Variants in VAC14 observed in about 807,000 individuals in gnomAD.
The protein encoded by VAC14 is VAC14 component of PIKFYVE complex.
In VAC14, 47 loss-of-function variants were observed where a neutral mutation model predicts 85.3. The observed-to-expected ratio is 0.55, with a 90% CI of 0.44 to 0.70. VAC14 has a LOEUF of 0.70. Among genes scored for constraint, VAC14 ranks in the 30% least tolerant of loss-of-function variants. The probability of loss-of-function intolerance (pLI) is 0.00; values close to 1 mark genes in which losing one functional copy is unlikely to be tolerated. For missense variants in VAC14, 861 were observed against 1,004.3 expected, an observed-to-expected ratio of 0.86 and a Z score of 1.93; for synonymous variants, 447 against 430.5, an observed-to-expected ratio of 1.04 and a Z score of -0.47.
At chr16:70,717,486 G>A (rs753555568) in intron 14 of VAC14, among the ~76,000 whole-genome samples, 2 of 152,058 alleles carry the variant, frequency 1.3e-5, no homozygotes, top group Admixed American at 6.5e-5. Flanking sequence ...GATATAGATC[G>A]GCACACTGAA....
At chr16:70,696,367 G>A (rs1290987602) in intron 16 of VAC14, among the ~76,000 whole-genome samples, 1 of 152,142 alleles carries the variant, frequency 6.6e-6, no homozygotes, top group African/African-American at 2.4e-5. Context: ...ACAAAAATTA[G>A]CCGGGCATGG....
intron 9 of VAC14, among the ~76,000 whole-genome samples, chr16:70,776,315 G>T (rs2033515489): frequency 6.6e-6 from 1 of 152,050 alleles, no homozygotes; most frequent in Admixed American, 6.6e-5. Flanking sequence ...TCACTTTGTT[G>T]CCCAGGCTGG....
intron 18 of VAC14, chr16:70,692,155 G>T: frequency 1.1e-6 from 1 of 936,110 alleles, no homozygotes; most frequent in Non-Finnish European, 1.3e-6. Flanking sequence ...TGGGGTAGGG[G>T]CCAGCCGTGG....
rs2033992594 is a variant in VAC14 at position 70,785,211 on chromosome 16, C to A, written c.424-373G>T. 2.0e-5 allele frequency among the ~76,000 whole-genome samples: 3 copies of A among 152,228 alleles called. No individual in the cohort carries two copies. The South Asian group carries it at 6.2e-4, about 31-fold the overall frequency. ...AGGAGGGGACAGGGTAGCTGCGAGG[C>A]TGATACTCTAGAAACTTCCGTGGCA... On this transcript the variant is annotated intron_variant, in intron 3 of 18. Transcript: ENST00000261776.
chr16:70,781,520 T>A (rs2143245355), intron 8 of VAC14, among the ~76,000 whole-genome samples: 1 of 152,248 alleles, frequency 6.6e-6, no homozygotes, highest in South Asian at 2.1e-4. Context: ...GGTGCCCCTG[T>A]GAAATGCGCC....
At chr16:70,738,399 C>T (rs1161497653) in intron 13 of VAC14, among the ~76,000 whole-genome samples, 1 of 152,216 alleles carries the variant, frequency 6.6e-6, no homozygotes, top group African/African-American at 2.4e-5. Flanking sequence ...GGAGACTTTG[C>T]AGCTGCTCAG....
intron 14 of VAC14, among the ~76,000 whole-genome samples, chr16:70,721,649 A>C (rs1036131701): frequency 2.0e-5 from 3 of 152,030 alleles, no homozygotes; most frequent in African/African-American, 4.8e-5. Context: ...TGTGGAGATC[A>C]GGAGACGTGG....
chr16:70,719,837 C>G (rs2054245683), intron 14 of VAC14, among the ~76,000 whole-genome samples: 1 of 152,168 alleles, frequency 6.6e-6, no homozygotes, highest in African/African-American at 2.4e-5. Flanking sequence ...GTCTGCTTGC[C>G]AATCCAGCAA....
chr16:70,726,100 C>G (rs569085545), intron 14 of VAC14, among the ~76,000 whole-genome samples: 1 of 152,390 alleles, frequency 6.6e-6, no homozygotes, highest in East Asian at 1.9e-4. Flanking sequence ...TCGGGTCACG[C>G]TGGAGTTCAT....
chr16:70,750,419 G>A (rs954054017), intron 12 of VAC14, among the ~76,000 whole-genome samples: 5 of 152,196 alleles, frequency 3.3e-5, no homozygotes, highest in African/African-American at 9.6e-5. Flanking sequence ...TGCAGGAGCA[G>A]GAGCGCCTGC....
At chr16:70,789,483 C>G (rs1332160051) in intron 1 of VAC14, among the ~76,000 whole-genome samples, 1 of 152,194 alleles carries the variant, frequency 6.6e-6, no homozygotes, top group Non-Finnish European at 1.5e-5. Flanking sequence ...AAGGGAGGTG[C>G]GCACACAGCT....
At chr16:70,736,424 C>T (rs949342359) in intron 13 of VAC14, among the ~76,000 whole-genome samples, 1 of 152,186 alleles carries the variant, frequency 6.6e-6, no homozygotes, top group African/African-American at 2.4e-5. Context: ...TCATTTCTGG[C>T]ACAAATTCAC....
At chr16:70,759,313 T>C (rs564212413) in intron 12 of VAC14, among the ~76,000 whole-genome samples, 1 of 152,278 alleles carries the variant, frequency 6.6e-6, no homozygotes, top group East Asian at 1.9e-4. Flanking sequence ...ATCTGGGGGC[T>C]GAAGGGGGAG....
chr16:70,690,599 A>G, intron 18 of VAC14: 1 of 985,480 alleles, frequency 1.0e-6, no homozygotes, highest in Non-Finnish European at 1.2e-6. Flanking sequence ...CACTTGGAGC[A>G]CACAGAACCA....
chr16:70,700,795 C>A (rs1040125451), intron 14 of VAC14, among the ~76,000 whole-genome samples: 3 of 152,192 alleles, frequency 2.0e-5, no homozygotes, highest in African/African-American at 7.2e-5. Context: ...GGAAGGGGGG[C>A]GTTCTGACAA....
chr16:70,735,849 T>C (rs2054733485), intron 13 of VAC14, among the ~76,000 whole-genome samples: 1 of 152,116 alleles, frequency 6.6e-6, no homozygotes. Context: ...TGGCAAAGAG[T>C]CTCTGCTCCC....
intron 9 of VAC14, 116 bp downstream of exon 9, chr16:70,780,674 A>T (rs1053144963): frequency 4.6e-6 from 6 of 1,303,388 alleles, no homozygotes; most frequent in African/African-American, 4.4e-5. Flanking sequence ...CAATTGTGTG[A>T]GTGACATACA....
chr16:70,760,606 G>A (rs2032250588), intron 12 of VAC14, among the ~76,000 whole-genome samples: 2 of 152,044 alleles, frequency 1.3e-5, no homozygotes, highest in Admixed American at 6.5e-5. Context: ...CCCACAAGAC[G>A]TGCCCCAAAA....
chr16:70,785,981 T>A, intron 2 of VAC14, 112 bp from the exon 3 acceptor site: 1 of 1,370,168 alleles, frequency 7.3e-7, no homozygotes, highest in Non-Finnish European at 9.8e-7. Context: ...GGCCTTTGTG[T>A]GAGGGCTGGG....
Sources: allele counts gnomAD v4.1 joint callset (sites outside exome capture counted in the v4.1 genomes callset), GRCh38; gene constraint gnomAD v4.1.1; transcripts MANE v1.5; gene names NCBI Gene and HGNC (gene_info 2026-07-23, HGNC 2026-07-21).